The following SLC25A40 variants were observed in gnomAD, a reference collection of about 807,000 sequenced individuals.
SLC25A40 encodes the protein solute carrier family 25 member 40, also known as mitochondrial glutathione transporter SLC25A40.
A neutral mutation model predicts 46.5 loss-of-function variants in SLC25A40; 41 were observed. The observed-to-expected ratio is 0.88, with a 90% confidence interval of 0.69 to 1.14. The LOEUF is 1.14. Ranked by LOEUF, SLC25A40 falls within the 50% of genes most tolerant of loss-of-function variation. The pLI, the probability that SLC25A40 is intolerant of heterozygous loss-of-function variation, is 0.00. For synonymous variants in SLC25A40, 126 were observed against 127.5 expected, an observed-to-expected ratio of 0.99 and a Z score of 0.08; for missense variants, 386 against 393.6, an observed-to-expected ratio of 0.98 and a Z score of 0.16.
At chr7:87,856,434 A>C in intron 3 of SLC25A40, 83 bp from the exon 4 acceptor site, 2 of 1,018,592 alleles carry the variant, frequency 2.0e-6, no homozygotes, top group East Asian at 4.8e-5. Flanking sequence ...AAATACATTG[A>C]TTCATACTTT....
intron 5 of SLC25A40, among the ~76,000 whole-genome samples, chr7:87,852,081 T>G (rs1838521801): frequency 6.6e-6 from 1 of 152,194 alleles, no homozygotes; most frequent in African/African-American, 2.4e-5. Flanking sequence ...TTCACTTCAA[T>G]TATAATGTCA....
At chr7:87,845,539 C>T (rs920833899) in intron 8 of SLC25A40, among the ~76,000 whole-genome samples, 3 of 151,826 alleles carry the variant, frequency 2.0e-5, no homozygotes, top group African/African-American at 4.9e-5. Context: ...CAATCACACA[C>T]GCGCTCATGC....
rs1838234757 is a variant in SLC25A40, at chr7:87,834,728, T to C, written c.*1521A>G. The stretch of plus-strand genomic sequence containing the variant: ...AAAGAGCACTGTTCAAGATAAACTT[T>C]CATGTATATCACAGTATAGCATTAT... On this transcript the variant is annotated 3_prime_UTR_variant, in exon 12 of 12. Transcript: ENST00000341119. The C allele has an allele frequency of 6.6e-6, 1 of 151,654 alleles. No individual in the cohort carries two copies. The highest frequency in any genetic ancestry group is 1.5e-5 in the Non-Finnish European group (1 of 67,712). 9.4% of individuals were successfully genotyped at this position (151,654 alleles called of 1,614,324 possible).
chr7:87,836,996 G>C, intron 10 of SLC25A40, 186 bp from the exon 11 acceptor site: 1 of 342,280 alleles, frequency 2.9e-6, no homozygotes, highest in Admixed American at 4.8e-5. Context: ...ATAATAAACA[G>C]AAAAAGGCTG....
chr7:87,838,633 T>G (rs1838289427), intron 10 of SLC25A40, among the ~76,000 whole-genome samples: 1 of 151,520 alleles, frequency 6.6e-6, no homozygotes. Flanking sequence ...CAATTTTATT[T>G]TTCCTCCTTC....
intron 2 of SLC25A40, chr7:87,860,312 C>T (rs1838678152): frequency 6.6e-6 from 1 of 152,174 alleles, no homozygotes; most frequent in Non-Finnish European, 1.5e-5. Flanking sequence ...TTATCCATGA[C>T]TTATCAAATT....
intron 6 of SLC25A40, among the ~76,000 whole-genome samples, chr7:87,848,617 A>G (rs1165449645): frequency 1.3e-5 from 2 of 152,182 alleles, no homozygotes; most frequent in African/African-American, 4.8e-5. Flanking sequence ...CTAGACATAA[A>G]TTATAATTAA....
At chr7:87,852,441 T>A (rs900139951) in intron 5 of SLC25A40, among the ~76,000 whole-genome samples, 2 of 152,026 alleles carry the variant, frequency 1.3e-5, no homozygotes, top group Admixed American at 6.6e-5. Flanking sequence ...CAGTGGCACA[T>A]GCCTATAGTC....
chr7:87,847,766 T>G, intron 7 of SLC25A40, 87 bp downstream of exon 7: 3 of 1,306,924 alleles, frequency 2.3e-6, no homozygotes, highest in Non-Finnish European at 3.1e-6. Flanking sequence ...TAATACTCTA[T>G]ATATTATACA....
intron 1 of SLC25A40, 22 bp from the exon 2 acceptor site, chr7:87,860,662 TTG>T (rs1838682294): frequency 6.6e-6 from 1 of 152,172 alleles, no homozygotes; most frequent in African/African-American, 2.4e-5. Flanking sequence ...AAGAAAGTAA[TTG>T]TCTTATCTTT....
intron 11 of SLC25A40, 64 bp from the exon 12 acceptor site, chr7:87,836,425 A>G (rs951896191): frequency 4.7e-6 from 5 of 1,066,026 alleles, no homozygotes; most frequent in Non-Finnish European, 5.2e-6. Flanking sequence ...TAAAAATATT[A>G]TTTTTTGGCT....
chr7:87,849,260 C>G (rs1838470504), intron 6 of SLC25A40, among the ~76,000 whole-genome samples: 1 of 152,120 alleles, frequency 6.6e-6, no homozygotes, highest in Non-Finnish European at 1.5e-5. Context: ...TCAGGAGGGC[C>G]TATGTGCATG....
Position 87,843,838 on chromosome 7 carries a change from A to C in SLC25A40, c.657T>G (p.Ile219Met), listed in dbSNP as rs1360990305. The stretch of plus-strand genomic sequence containing the variant: ...ATTTCTCACATAACCACTTCTTTAA[A>C]ATTTCATAGTTATACCAGTACATTG... ...FSAMYWYNYE[I>M]LKKWLCEKSG... Residue 219 changes from isoleucine to methionine, a missense_variant, in exon 9 of 12, where the codon ATT becomes ATG. Ile to Met is a conservative substitution (Grantham distance 10). Coordinates refer to ENST00000341119, the MANE Select transcript of SLC25A40 (RefSeq NM_018843.4). 1.9e-6 allele frequency: 3 copies of C among 1,607,334 alleles called. No individual in the cohort carries two copies. The African/African-American group carries it at 4.0e-5, about 22-fold the overall frequency.
chr7:87,861,213 A>C (rs1838693392), intron 1 of SLC25A40, among the ~76,000 whole-genome samples: 1 of 152,214 alleles, frequency 6.6e-6, no homozygotes, highest in African/African-American at 2.4e-5. Context: ...TGGGAAAAAA[A>C]CGTGGCAAGG....
At chr7:87,842,389 ATGT>A (rs1187844113) in intron 9 of SLC25A40, 4 of 152,650 alleles carry the variant, frequency 2.6e-5, no homozygotes, top group Admixed American at 1.3e-4. Flanking sequence ...TCTTTTAGAT[ATGT>A]TGTTGCAATA....
intron 11 of SLC25A40, 67 bp downstream of exon 11, chr7:87,836,663 A>G: frequency 9.4e-7 from 1 of 1,059,376 alleles, no homozygotes; most frequent in Non-Finnish European, 1.3e-6. Flanking sequence ...CTATAAGTTA[A>G]TTTTAGAAGG....
chr7:87,857,285 G>A (rs1263626553), intron 3 of SLC25A40, among the ~76,000 whole-genome samples: 2 of 152,102 alleles, frequency 1.3e-5, no homozygotes, highest in African/African-American at 4.8e-5. Context: ...TTCTATTATA[G>A]ACATGGGGAA....
Position 87,847,105 on chromosome 7 carries a change from T to C in SLC25A40, c.475A>G (p.Ile159Val), listed in dbSNP as rs1562743673. 6 of 1,609,710 alleles carry C rather than the reference T, an allele frequency of 3.7e-6. No homozygotes were observed. The highest frequency in any genetic ancestry group is 2.2e-5 in the South Asian group (2 of 90,672). The change falls in exon 8 of 12, where the codon ATA (isoleucine) becomes GTA (valine). Residue 159 changes from isoleucine to valine, a missense_variant. Coordinates refer to ENST00000341119, the MANE Select transcript of SLC25A40 (RefSeq NM_018843.4). ...IVARFGAVTVISPLELIRTKM... is the reference protein window; with the variant it reads ...IVARFGAVTVVSPLELIRTKM... ...GTTCTAATCAATTCTAGTGGACTTA[T>C]CACAGTTACTGCACCAACTAATACA...
intron 6 of SLC25A40, 108 bp from the exon 7 acceptor site, chr7:87,848,085 G>C (rs1838449634): frequency 2.3e-6 from 3 of 1,284,038 alleles, no homozygotes; most frequent in Non-Finnish European, 3.1e-6. Context: ...TATATTTTGT[G>C]TAAGCTAAAA....
Sources: gnomAD v4.1 joint callset for allele counts (sites outside exome capture counted in the v4.1 genomes callset) on GRCh38, gnomAD v4.1.1 for gene constraint, MANE v1.5 for transcripts, NCBI Gene and HGNC (gene_info 2026-07-23, HGNC 2026-07-21) for gene names.